The following KIF26B variants were observed in gnomAD, a reference collection of about 807,000 sequenced individuals.
KIF26B encodes kinesin family member 26B.
Under a neutral mutation model 151.2 loss-of-function variants are expected in KIF26B, and 63 were observed. The observed-to-expected ratio is 0.42, with a 90% CI of 0.34 to 0.51. The LOEUF (loss-of-function observed/expected upper bound fraction) is 0.51. Ranked by LOEUF, KIF26B falls within the 20% of genes least tolerant of loss-of-function variation. KIF26B has a pLI of 0.07. For missense variants in KIF26B, 2,813 were observed against 2,913.6 expected, an observed-to-expected ratio of 0.97 and a Z score of 0.79; for synonymous variants, 1,357 against 1,262.1, an observed-to-expected ratio of 1.08 and a Z score of -1.59.
At chr1:245,173,311 T>C (rs1668744725) in intron 2 of KIF26B, among the ~76,000 whole-genome samples, 1 of 152,186 alleles carries the variant, frequency 6.6e-6, no homozygotes, top group South Asian at 2.1e-4. Context: ...GTACATAATG[T>C]CACTGAGCTG....
At chr1:245,527,043 C>T (rs7529168) in intron 4 of KIF26B, among the ~76,000 whole-genome samples, 2,436 of 152,262 alleles carry the variant, frequency 0.016, 70 homozygotes, top group African/African-American at 0.056. Context: ...GGCTTTTAGG[C>T]GGGCTCTCTG....
rs563189931 is a variant in KIF26B, at chr1:245,512,579, T to C, written c.1167-28188T>C. 8.5e-5 allele frequency among the ~76,000 whole-genome samples: 13 copies of C among 152,288 alleles called. No homozygotes were observed. Among genetic ancestry groups the C allele is most frequent in the African/African-American group, 2.9e-4 (12 of 41,570 alleles). ...CTGTAGCACTGGGCACCCGAGGGGA[T>C]CAGCCTAAACCCAAATGAAATCCCC... On this transcript the variant is annotated intron_variant, in intron 4 of 14. Coordinates refer to ENST00000407071, the MANE Select transcript of KIF26B (RefSeq NM_018012.4). The surrounding 1 kb of genome is among the most constrained non-coding windows in gnomAD (Gnocchi z 4.3).
At chr1:245,574,864 C>CTTTTTTTT (rs201010492) in intron 5 of KIF26B, among the ~76,000 whole-genome samples, 1 of 126,252 alleles carries the variant, frequency 7.9e-6, no homozygotes, top group African/African-American at 3.1e-5. Context: ...TTTTTTTTTT[C>CTTTTTTTT]TTTTTTTTTT....
chr1:245,675,761 C>T (rs938737935), intron 10 of KIF26B, among the ~76,000 whole-genome samples: 2 of 152,052 alleles, frequency 1.3e-5, no homozygotes, highest in African/African-American at 2.4e-5. Context: ...GCAGAAGTGG[C>T]CTTGTCTTGG....
intron 4 of KIF26B, among the ~76,000 whole-genome samples, chr1:245,462,022 A>G (rs1179746706): frequency 6.6e-6 from 1 of 152,076 alleles, no homozygotes; most frequent in Non-Finnish European, 1.5e-5. Context: ...AGTCCCAGGT[A>G]CTCAGGAGGC....
intron 9 of KIF26B, among the ~76,000 whole-genome samples, chr1:245,617,010 T>C (rs1008491600): frequency 3.9e-5 from 6 of 152,218 alleles, no homozygotes; most frequent in African/African-American, 7.2e-5. Flanking sequence ...CGCACACAAA[T>C]GTATGTGCAC....
intron 2 of KIF26B, among the ~76,000 whole-genome samples, chr1:245,184,050 G>GTTTTTTGTTTTTTTTTTTTTTTTT (rs1553332272): frequency 0.013 from 251 of 19,824 alleles, 45 homozygotes; most frequent in Admixed American, 0.019. Flanking sequence ...GGGAGTTGTT[G>GTTTTTTGTTTTTTTTTTTTTTTTT]TTTTTTTTTT....
intron 2 of KIF26B, among the ~76,000 whole-genome samples, chr1:245,303,479 T>C (rs113959885): frequency 2.4e-3 from 362 of 150,976 alleles, no homozygotes; most frequent in Non-Finnish European, 4.4e-3. Context: ...ATTACAGGCG[T>C]AAGCCACCGC....
intron 4 of KIF26B, among the ~76,000 whole-genome samples, chr1:245,513,676 C>G (rs989787331): frequency 6.6e-6 from 1 of 152,164 alleles, no homozygotes; most frequent in Non-Finnish European, 1.5e-5. Flanking sequence ...TTTCTAACAA[C>G]GGGTGCTGTT....
rs1019917272 is a variant in KIF26B at position 245,687,099 on chromosome 1, C to G, written c.4116C>G (p.Ile1372Met). 2.5e-6 allele frequency: 4 copies of G among 1,613,374 alleles called. No individual in the cohort carries two copies. The South Asian group carries it at 3.3e-5, about 13-fold the overall frequency. The change falls in exon 12 of 15, where the codon ATC (isoleucine) becomes ATG (methionine). Residue 1372 changes from isoleucine (I) to methionine (M), a missense_variant. Transcript: ENST00000407071. The surrounding 1 kb of genome is among the most constrained non-coding windows in gnomAD (Gnocchi z 4.9). ...ISTVSKAMVT[I>M]SNTANLSSCE... ...CAGTGAGCAAGGCCATGGTCACCAT[C>G]TCCAACACGGCCAATCTGAGCAGCT... is the stretch of plus-strand genomic sequence containing the variant.
intron 2 of KIF26B, among the ~76,000 whole-genome samples, chr1:245,303,301 C>T (rs1031340700): frequency 2.0e-5 from 3 of 149,908 alleles, no homozygotes; most frequent in Non-Finnish European, 2.9e-5. Context: ...CGGGTTCACG[C>T]CATTCTCCTG....
intron 4 of KIF26B, among the ~76,000 whole-genome samples, chr1:245,440,138 G>T (rs1023046365): frequency 6.6e-6 from 1 of 151,982 alleles, no homozygotes; most frequent in East Asian, 1.9e-4. Flanking sequence ...GGAGAATGGC[G>T]TGAACCTGGG....
At chr1:245,365,418 G>C (rs192682298) in intron 2 of KIF26B, among the ~76,000 whole-genome samples, 2 of 152,128 alleles carry the variant, frequency 1.3e-5, no homozygotes, top group East Asian at 3.9e-4. Context: ...AGTTAAACAG[G>C]GAAAACAAAC....
At position 245,456,351 on chromosome 1, in the gene KIF26B, C is replaced by T. The variant is rs568019955; in HGVS notation, c.1166+36606C>T. 1.3e-3 allele frequency among the ~76,000 whole-genome samples: 194 copies of T among 152,264 alleles called. 1 individual carries two copies. The highest frequency in any genetic ancestry group is 4.4e-3 in the African/African-American group (181 of 41,552). On this transcript the variant is annotated intron_variant, in intron 4 of 14. Transcript: ENST00000407071. Reference sequence around the variant, plus strand: ...GCACACAAATCTTTGTACACATCTGCGTTTATTTCCTTAGTATATAATTCT... The same window carrying T: ...GCACACAAATCTTTGTACACATCTGTGTTTATTTCCTTAGTATATAATTCT...
At chr1:245,369,137 A>G (rs1266576186) in intron 3 of KIF26B, among the ~76,000 whole-genome samples, 1 of 151,796 alleles carries the variant, frequency 6.6e-6, no homozygotes, top group Non-Finnish European at 1.5e-5. Context: ...CTGGTGACAG[A>G]GCAAGACTCT....
intron 2 of KIF26B, among the ~76,000 whole-genome samples, chr1:245,262,462 T>A (rs888553562): frequency 1.3e-5 from 2 of 151,296 alleles, no homozygotes; most frequent in East Asian, 3.9e-4. Flanking sequence ...TTGTTTTTTA[T>A]TTTTTTTTGA....
intron 5 of KIF26B, among the ~76,000 whole-genome samples, chr1:245,587,782 C>T (rs930155979): frequency 1.3e-4 from 20 of 152,122 alleles, no homozygotes; most frequent in African/African-American, 4.6e-4. Context: ...TCTACAGAGC[C>T]GTGATCAAAC....
At chr1:245,261,499 CTCT>C (rs1670642813) in intron 2 of KIF26B, among the ~76,000 whole-genome samples, 1 of 108,932 alleles carries the variant, frequency 9.2e-6, no homozygotes, top group Admixed American at 8.8e-5. Context: ...CTCTCTCTCT[CTCT>C]CCCTCCCTCC....
chr1:245,550,898 G>A (rs1661866326), intron 5 of KIF26B, among the ~76,000 whole-genome samples: 1 of 152,126 alleles, frequency 6.6e-6, no homozygotes, highest in African/African-American at 2.4e-5. Flanking sequence ...TTCCCCAAAG[G>A]TTATTTCCTT....
Sources: allele counts gnomAD v4.1 joint callset (sites outside exome capture counted in the v4.1 genomes callset), GRCh38; gene constraint gnomAD v4.1.1; non-coding constraint Gnocchi (gnomAD v3.1); transcripts MANE v1.5; gene names NCBI Gene and HGNC (gene_info 2026-07-23, HGNC 2026-07-21).